KCNMB2: variants seen among roughly 807,000 people sequenced by gnomAD.
KCNMB2 encodes the protein potassium calcium-activated channel subfamily M regulatory beta subunit 2.
In KCNMB2, 9 loss-of-function variants were observed where a neutral mutation model predicts 24.5. The observed-to-expected ratio is 0.37, with a 90% confidence interval of 0.22 to 0.64. KCNMB2 has a LOEUF of 0.64. KCNMB2 is among the 30% of genes least tolerant of loss of function. The pLI is 0.63. For missense variants in KCNMB2, 226 were observed against 284.3 expected (o/e 0.79, Z 1.47); for synonymous variants, 109 against 104.4 (o/e 1.04, Z -0.27).
chr3:178,630,107 G>A (rs1719262530), intron 1 of KCNMB2, among the ~76,000 whole-genome samples: 1 of 152,078 alleles, frequency 6.6e-6, no homozygotes, highest in African/African-American at 2.4e-5. Flanking sequence ...TTACTTCCAT[G>A]TATAAATGAC....
intron 1 of KCNMB2, among the ~76,000 whole-genome samples, chr3:178,776,190 T>C (rs561145644): frequency 3.7e-4 from 57 of 152,190 alleles, no homozygotes; most frequent in African/African-American, 1.1e-3. Flanking sequence ...CCAAAGCACC[T>C]CTCATTTTAT....
intron 1 of KCNMB2, among the ~76,000 whole-genome samples, chr3:178,795,575 G>T (rs374788026): frequency 6.6e-6 from 1 of 152,098 alleles, no homozygotes; most frequent in Non-Finnish European, 1.5e-5. Flanking sequence ...GCTTCTTCTG[G>T]TATCTGGCTT....
intron 1 of KCNMB2, among the ~76,000 whole-genome samples, chr3:178,602,311 AT>A (rs1240862511): frequency 2.6e-5 from 4 of 151,352 alleles, no homozygotes; most frequent in Non-Finnish European, 2.9e-5. Context: ...CCACAAAAAA[AT>A]ATATATATCG....
intron 2 of KCNMB2, among the ~76,000 whole-genome samples, chr3:178,822,386 C>T (rs1714666537): frequency 6.6e-6 from 1 of 152,216 alleles, no homozygotes; most frequent in Admixed American, 6.5e-5. Flanking sequence ...ATCCTTCCCT[C>T]TTCTCTATTC....
intron 1 of KCNMB2, among the ~76,000 whole-genome samples, chr3:178,559,765 A>T (rs1482341562): frequency 6.7e-6 from 1 of 150,322 alleles, no homozygotes; most frequent in Non-Finnish European, 1.5e-5. Flanking sequence ...TTCCTGGTAT[A>T]TGTTGTCCAC....
At chr3:178,706,648 C>T (rs1722286872) in intron 1 of KCNMB2, among the ~76,000 whole-genome samples, 2 of 152,084 alleles carry the variant, frequency 1.3e-5, no homozygotes, top group Non-Finnish European at 2.9e-5. Flanking sequence ...CAGGCCCCAA[C>T]TTTATCACTT....
intron 1 of KCNMB2, among the ~76,000 whole-genome samples, chr3:178,589,079 ACT>A (rs1372944744): frequency 5.3e-5 from 8 of 152,162 alleles, no homozygotes; most frequent in Admixed American, 5.2e-4. Flanking sequence ...CTTAAAAAAG[ACT>A]CTTCACTAAA....
At chr3:178,655,861 AC>A (rs1288540536) in intron 1 of KCNMB2, among the ~76,000 whole-genome samples, 1 of 152,088 alleles carries the variant, frequency 6.6e-6, no homozygotes, top group Non-Finnish European at 1.5e-5. Context: ...TGAATTCACA[AC>A]CTCTCATCAG....
intron 1 of KCNMB2, among the ~76,000 whole-genome samples, chr3:178,549,368 T>C (rs917149178): frequency 2.0e-5 from 3 of 149,758 alleles, no homozygotes; most frequent in African/African-American, 7.3e-5. Context: ...TGGAGTGCAA[T>C]GGCACAATCT....
At chr3:178,745,534 C>T (rs1452799136) in intron 1 of KCNMB2, among the ~76,000 whole-genome samples, 4 of 152,164 alleles carry the variant, frequency 2.6e-5, no homozygotes, top group Non-Finnish European at 1.5e-5. Flanking sequence ...TTCATGTCCT[C>T]ACATTTCAAA....
chr3:178,827,993 CTA>C (rs2108469636), intron 3 of KCNMB2, among the ~76,000 whole-genome samples, 183 bp from the exon 4 acceptor site: 2 of 152,292 alleles, frequency 1.3e-5, no homozygotes, highest in South Asian at 4.1e-4. Context: ...CCACGTTTGT[CTA>C]TGTTATACGG....
intron 1 of KCNMB2, among the ~76,000 whole-genome samples, chr3:178,598,912 C>A (rs555661969): frequency 6.6e-6 from 1 of 152,052 alleles, no homozygotes; most frequent in Non-Finnish European, 1.5e-5. Context: ...GAACCCAACC[C>A]AAAATATTTG....
At chr3:178,839,639 G>T (rs531646518) in intron 4 of KCNMB2, among the ~76,000 whole-genome samples, 1 of 152,272 alleles carries the variant, frequency 6.6e-6, no homozygotes, top group Non-Finnish European at 1.5e-5. Flanking sequence ...CAAAGGGGAA[G>T]CAAGGCATGT....
chr3:178,567,760 C>T lies in KCNMB2; in HGVS notation c.-68+31049C>T, dbSNP rs1350592164. On this transcript the variant is annotated intron_variant, in intron 1 of 4. Coordinates refer to ENST00000452583, the MANE Select transcript of KCNMB2 (RefSeq NM_181361.3). Reference sequence around the variant, plus strand: ...CTTTGCGAAACACACACTTTATGTTCTTAATGATGACACTGTTAAAAATAG... The same window carrying T: ...CTTTGCGAAACACACACTTTATGTTTTTAATGATGACACTGTTAAAAATAG... Among the ~76,000 whole-genome samples the T allele has an allele frequency of 2.6e-5, 4 of 152,248 alleles. No individual in the cohort carries two copies. The East Asian group carries it at 5.8e-4, about 22-fold the overall frequency.
chr3:178,741,645 T>C (rs1482384339), intron 1 of KCNMB2, among the ~76,000 whole-genome samples: 1 of 152,148 alleles, frequency 6.6e-6, no homozygotes, highest in African/African-American at 2.4e-5. Context: ...GGCTTCCAAA[T>C]GTCAATTTCA....
intron 1 of KCNMB2, among the ~76,000 whole-genome samples, chr3:178,806,062 G>C (rs1713955179): frequency 6.6e-6 from 1 of 152,214 alleles, no homozygotes. Flanking sequence ...CCAGGAGTTT[G>C]AGGCTGCAGT....
At chr3:178,819,293 T>C (rs1714531005) in intron 2 of KCNMB2, among the ~76,000 whole-genome samples, 1 of 152,214 alleles carries the variant, frequency 6.6e-6, no homozygotes, top group Non-Finnish European at 1.5e-5. Context: ...ACCACAAATT[T>C]TGTATGATCA....
chr3:178,687,123 G>A (rs1027925003), intron 1 of KCNMB2, among the ~76,000 whole-genome samples: 5 of 151,992 alleles, frequency 3.3e-5, no homozygotes, highest in South Asian at 2.1e-4. Flanking sequence ...ATTTCCATCC[G>A]GGAATCCATA....
intron 1 of KCNMB2, among the ~76,000 whole-genome samples, chr3:178,721,790 A>G (rs1722815391): frequency 6.6e-6 from 1 of 152,176 alleles, no homozygotes. Flanking sequence ...GTGTCATACT[A>G]TCTTATTTTG....
Sources: allele counts gnomAD v4.1 joint callset (sites outside exome capture counted in the v4.1 genomes callset), GRCh38; gene constraint gnomAD v4.1.1; transcripts MANE v1.5; gene names NCBI Gene and HGNC (gene_info 2026-07-23, HGNC 2026-07-21).